Variants in SDCBP observed in about 807,000 individuals in gnomAD.
SDCBP encodes syndecan binding protein.
Under a neutral mutation model 30.5 loss-of-function variants are expected in SDCBP, and 22 were observed. The observed-to-expected ratio is 0.72, with a 90% CI of 0.52 to 1.03. The LOEUF is 1.03. Ranked by LOEUF, SDCBP falls within the 50% of genes least tolerant of loss-of-function variation. SDCBP has a pLI of 0.00. For missense variants in SDCBP, 304 were observed against 369.9 expected (o/e 0.82, Z 1.46); for synonymous variants, 103 against 118.7 (o/e 0.87, Z 0.86).
intron 8 of SDCBP, 61 bp downstream of exon 8, chr8:58,580,669 C>T (rs1465415277): frequency 1.8e-5 from 16 of 877,454 alleles, no homozygotes; most frequent in African/African-American, 3.4e-5. Flanking sequence ...AAGCACTATA[C>T]TTTAATTCTC....
chr8:58,579,904 A>T, intron 7 of SDCBP, 110 bp downstream of exon 7: 2 of 1,012,406 alleles, frequency 2.0e-6, no homozygotes, highest in South Asian at 3.7e-5. Context: ...GAGATGGGGA[A>T]CGTGGGGCCT....
At chr8:58,571,730 C>A (rs931307951) in intron 3 of SDCBP, among the ~76,000 whole-genome samples, 1 of 152,092 alleles carries the variant, frequency 6.6e-6, no homozygotes, top group Non-Finnish European at 1.5e-5. Context: ...TGATAAGACA[C>A]TAAATAAATT....
At chr8:58,567,724 TAGGC>T in intron 2 of SDCBP, among the ~76,000 whole-genome samples, 3 of 152,316 alleles carry the variant, frequency 2.0e-5, no homozygotes, top group Middle Eastern at 6.8e-3. Context: ...ACTACACATC[TAGGC>T]AGTATGGTAT....
Position 58,570,983 on chromosome 8 carries a change from G to C in SDCBP, c.130+18G>C, listed in dbSNP as rs748528348. 6.4e-7 allele frequency: 1 copy of C among 1,555,534 alleles called. No homozygotes were observed. Among genetic ancestry groups the C allele is most frequent in the Non-Finnish European group, 8.9e-7 (1 of 1,128,460 alleles). The stretch of plus-strand genomic sequence containing the variant: ...CGATGGAAGTAGGTTTATACTTTGA[G>C]TTCATTCTCTGTGAACAGAAATATT... On this transcript the variant is annotated intron_variant, in intron 3 of 8. Coordinates refer to ENST00000260130, the MANE Select transcript of SDCBP (RefSeq NM_005625.4).
rs1255847738 is a variant in SDCBP, at chr8:58,577,669, GTA to G, written c.403-362_403-361del. Among the ~76,000 whole-genome samples, 3 of 152,224 alleles carry G rather than the reference GTA, an allele frequency of 2.0e-5. No homozygotes were observed. In the East Asian group the frequency reaches 5.8e-4, roughly 29 times the overall value. On this transcript the variant is annotated intron_variant, in intron 5 of 8. Transcript: ENST00000260130. ...AATATGATTATGTACTGATAATTTG[GTA>G]TTCTATCAGACTCAGACGCTTGCAT...
intron 2 of SDCBP, among the ~76,000 whole-genome samples, chr8:58,569,559 A>G (rs1804906018): frequency 6.6e-6 from 1 of 152,216 alleles, no homozygotes; most frequent in Non-Finnish European, 1.5e-5. Context: ...TTGGAATCAT[A>G]AAGTATGTAG....
chr8:58,580,681 G>A lies in SDCBP; in HGVS notation c.842+73G>A. The stretch of plus-strand genomic sequence containing the variant: ...TATAAGCACTATACTTTAATTCTCA[G>A]CCCTTTGGTTCTTTTACCCAAGGAA... On this transcript the variant is annotated intron_variant, in intron 8 of 8. Coordinates refer to ENST00000260130, the MANE Select transcript of SDCBP (RefSeq NM_005625.4). 4.9e-6 allele frequency: 4 copies of A among 822,864 alleles called. No individual in the cohort carries two copies. In the South Asian group the frequency reaches 5.9e-5, roughly 12 times the overall value. 51.0% of individuals were successfully genotyped at this position (822,864 alleles called of 1,614,324 possible).
At chr8:58,564,991 A>T in intron 1 of SDCBP, 28 bp from the exon 2 acceptor site, 1 of 1,288,520 alleles carries the variant, frequency 7.8e-7, no homozygotes, top group Non-Finnish European at 1.1e-6. Context: ...ATGACATTAG[A>T]GTAATAAAAC....
At chr8:58,565,797 A>G (rs1804677105) in intron 2 of SDCBP, among the ~76,000 whole-genome samples, 1 of 152,034 alleles carries the variant, frequency 6.6e-6, no homozygotes, top group South Asian at 2.1e-4. Context: ...GTATATGATG[A>G]ATTTGTTTAC....
intron 2 of SDCBP, among the ~76,000 whole-genome samples, chr8:58,570,147 G>A (rs941525984): frequency 6.6e-6 from 1 of 152,124 alleles, no homozygotes; most frequent in African/African-American, 2.4e-5. Context: ...TAATTGTAAA[G>A]GATAAAGTAT....
intron 1 of SDCBP, among the ~76,000 whole-genome samples, chr8:58,564,248 A>G (rs4579515): frequency 0.34 from 51,881 of 152,078 alleles, 9,042 homozygotes; most frequent in East Asian, 0.55. Context: ...ACGTTAAACC[A>G]CATACCAGTT....
intron 2 of SDCBP, among the ~76,000 whole-genome samples, chr8:58,568,460 T>C (rs1466076223): frequency 6.6e-6 from 1 of 152,182 alleles, no homozygotes; most frequent in Non-Finnish European, 1.5e-5. Flanking sequence ...GAGACTGTTT[T>C]ACAGTTAACT....
At position 58,569,543 on chromosome 8, in the gene SDCBP, G is replaced by T. The variant is rs138910747; in HGVS notation, c.52-1344G>T. On this transcript the variant is annotated intron_variant, in intron 2 of 8. Transcript: ENST00000260130. Reference sequence around the variant, plus strand: ...ACAATTTTGCATTTTTCAAAATGTCGTATAGTTGGAATCATAAAGTATGTA... The same window carrying T: ...ACAATTTTGCATTTTTCAAAATGTCTTATAGTTGGAATCATAAAGTATGTA... Among the ~76,000 whole-genome samples, 696 of 152,232 alleles carry T rather than the reference G, an allele frequency of 4.6e-3. 7 individuals carry two copies. Among genetic ancestry groups the T allele is most frequent in the African/African-American group, 0.016 (653 of 41,524 alleles).
At chr8:58,580,305 G>GT (rs961562434) in intron 7 of SDCBP, among the ~76,000 whole-genome samples, 57 of 151,378 alleles carry the variant, frequency 3.8e-4, no homozygotes, top group Middle Eastern at 3.5e-3. Flanking sequence ...GAAAGGAAAA[G>GT]TTTTTTTTTG....
chr8:58,553,552 G>A (rs1217256221), intron 1 of SDCBP, among the ~76,000 whole-genome samples: 1 of 152,092 alleles, frequency 6.6e-6, no homozygotes, highest in Non-Finnish European at 1.5e-5. Context: ...TCGGGTTCCT[G>A]CCCGGGCTGG....
At chr8:58,580,390 A>G in intron 7 of SDCBP, 127 bp from the exon 8 acceptor site, 1 of 594,818 alleles carries the variant, frequency 1.7e-6, no homozygotes, top group South Asian at 2.2e-5. Context: ...AAACTTGGTA[A>G]GAAATACTAG....
chr8:58,556,212 G>C (rs768036327), intron 1 of SDCBP, among the ~76,000 whole-genome samples: 11 of 152,204 alleles, frequency 7.2e-5, no homozygotes, highest in Non-Finnish European at 1.5e-4. Context: ...TTCCACGGAC[G>C]GGATAGGTGG....
chr8:58,559,911 A>G (rs555382646), intron 1 of SDCBP, among the ~76,000 whole-genome samples: 1 of 152,336 alleles, frequency 6.6e-6, no homozygotes, highest in African/African-American at 2.4e-5. Context: ...AGCAAGAGGA[A>G]ACTCCAGGCT....
intron 2 of SDCBP, among the ~76,000 whole-genome samples, chr8:58,569,314 C>T (rs1483089003): frequency 6.6e-6 from 1 of 152,192 alleles, no homozygotes; most frequent in Non-Finnish European, 1.5e-5. Context: ...GTGATCTGCC[C>T]ACCTCAGCCT....
Sources: gnomAD v4.1 joint callset for allele counts (sites outside exome capture counted in the v4.1 genomes callset) on GRCh38, gnomAD v4.1.1 for gene constraint, MANE v1.5 for transcripts, NCBI Gene and HGNC (gene_info 2026-07-23, HGNC 2026-07-21) for gene names.